CCDC148: variants seen among roughly 807,000 people sequenced by gnomAD.
The protein encoded by CCDC148 is coiled-coil domain-containing protein 148.
CCDC148 carries 89 observed loss-of-function variants against 85.7 expected under a neutral mutation model. The ratio of observed to expected loss-of-function variants is 1.04; its 90% CI spans 0.87 to 1.24. The LOEUF is 1.24. Among genes scored for constraint, CCDC148 ranks in the 50% most tolerant of loss-of-function variants. CCDC148 has a pLI of 0.00. For missense variants in CCDC148, 692 were observed against 671.7 expected, an observed-to-expected ratio of 1.03 and a Z score of -0.33; for synonymous variants, 230 against 213.9, an observed-to-expected ratio of 1.08 and a Z score of -0.66.
At chr2:158,403,710 AC>A (rs201468655) in intron 1 of CCDC148, among the ~76,000 whole-genome samples, 7,151 of 152,052 alleles carry the variant, frequency 0.047, 239 homozygotes, top group Non-Finnish European at 0.062. Context: ...ACACACACAA[AC>A]ACATGCAAAC....
chr2:158,311,792 A>G (rs1480166304), intron 8 of CCDC148, among the ~76,000 whole-genome samples: 1 of 152,200 alleles, frequency 6.6e-6, no homozygotes, highest in African/African-American at 2.4e-5. Context: ...AACTTAAAGT[A>G]ATAATAACAA....
chr2:158,402,533 G>T (rs1272510719), intron 1 of CCDC148, among the ~76,000 whole-genome samples: 1 of 151,952 alleles, frequency 6.6e-6, no homozygotes, highest in East Asian at 1.9e-4. Context: ...CCCAGCTACA[G>T]ATCAGAGTAA....
rs1419575729 is a variant in CCDC148 at position 158,360,874 on chromosome 2, C to A, written c.26-2304G>T. ...TTCAGAAGGTGGGTAATAACAAACT[C>A]CCCCAAGCTAAAGGAGCATTTCTAA... On this transcript the variant is annotated intron_variant, in intron 1 of 13. Coordinates refer to ENST00000283233, the MANE Select transcript of CCDC148 (RefSeq NM_138803.4). 1.3e-5 allele frequency among the ~76,000 whole-genome samples: 2 copies of A among 151,644 alleles called. 1 individual carries two copies. The highest frequency in any genetic ancestry group is 3.9e-4 in the East Asian group (2 of 5,108).
At chr2:158,355,459 T>C (rs1683578843) in intron 2 of CCDC148, among the ~76,000 whole-genome samples, 1 of 152,000 alleles carries the variant, frequency 6.6e-6, no homozygotes, top group African/African-American at 2.4e-5. Context: ...AGCCAAATCA[T>C]GAGTGAACTC....
intron 1 of CCDC148, chr2:158,380,739 A>C (rs1158255348): frequency 6.6e-6 from 1 of 152,188 alleles, no homozygotes; most frequent in Non-Finnish European, 1.5e-5. Context: ...AGTTCTAATA[A>C]TCAAGACTGT....
chr2:158,241,469 G>C (rs568661560), intron 10 of CCDC148, among the ~76,000 whole-genome samples: 1 of 152,088 alleles, frequency 6.6e-6, no homozygotes, highest in African/African-American at 2.4e-5. Flanking sequence ...TTTAAACAGA[G>C]ATGAGAAAGG....
At chr2:158,225,718 T>C (rs1328070660) in intron 10 of CCDC148, among the ~76,000 whole-genome samples, 1 of 152,062 alleles carries the variant, frequency 6.6e-6, no homozygotes, top group Admixed American at 6.5e-5. Flanking sequence ...GGGTACATAA[T>C]GAAATGAAGG....
intron 7 of CCDC148, among the ~76,000 whole-genome samples, chr2:158,321,304 A>G (rs1371280036): frequency 1.3e-5 from 2 of 152,168 alleles, no homozygotes; most frequent in Non-Finnish European, 2.9e-5. Context: ...TATAAACCCC[A>G]ACATCAAGTT....
At chr2:158,387,668 A>G (rs1164936214) in intron 1 of CCDC148, among the ~76,000 whole-genome samples, 2 of 151,752 alleles carry the variant, frequency 1.3e-5, no homozygotes, top group Admixed American at 1.3e-4. Flanking sequence ...CCATTGCGTG[A>G]GCCTGCTTTC....
intron 1 of CCDC148, among the ~76,000 whole-genome samples, chr2:158,453,229 C>G (rs1460498218): frequency 1.3e-5 from 2 of 152,198 alleles, no homozygotes; most frequent in Non-Finnish European, 2.9e-5. Flanking sequence ...AATAACCACA[C>G]CATTTGATAT....
At chr2:158,428,183 A>C (rs1687164786) in intron 1 of CCDC148, among the ~76,000 whole-genome samples, 1 of 152,318 alleles carries the variant, frequency 6.6e-6, no homozygotes, top group East Asian at 1.9e-4. Context: ...AGACTGTTAC[A>C]GTAGATCAGA....
chr2:158,247,990 T>C (rs1295795665), intron 10 of CCDC148, among the ~76,000 whole-genome samples: 2 of 152,098 alleles, frequency 1.3e-5, no homozygotes, highest in Non-Finnish European at 2.9e-5. Flanking sequence ...CCATGGTGGT[T>C]TGCTGCACCC....
At chr2:158,363,210 T>G (rs1017861640) in intron 1 of CCDC148, among the ~76,000 whole-genome samples, 2 of 152,190 alleles carry the variant, frequency 1.3e-5, no homozygotes, top group Non-Finnish European at 2.9e-5. Context: ...ACCAGATGGC[T>G]TCACGGCTGA....
chr2:158,197,881 T>C (rs1222270419), intron 11 of CCDC148, among the ~76,000 whole-genome samples: 1 of 152,122 alleles, frequency 6.6e-6, no homozygotes, highest in Admixed American at 6.6e-5. Flanking sequence ...ATTCATTAAC[T>C]GGTTAATGCA....
intron 1 of CCDC148, among the ~76,000 whole-genome samples, chr2:158,414,521 C>T (rs79048288): frequency 0.018 from 2,677 of 151,956 alleles, 48 homozygotes; most frequent in East Asian, 0.078. Flanking sequence ...CCATGGCACA[C>T]GTATACATAT....
At chr2:158,379,741 A>AT (rs1684794764) in intron 1 of CCDC148, among the ~76,000 whole-genome samples, 1 of 152,140 alleles carries the variant, frequency 6.6e-6, no homozygotes, top group South Asian at 2.1e-4. Flanking sequence ...GAGCATTGGC[A>AT]TTTTTTAGCA....
At chr2:158,437,734 G>A (rs1473045847) in intron 1 of CCDC148, among the ~76,000 whole-genome samples, 4 of 152,124 alleles carry the variant, frequency 2.6e-5, no homozygotes, top group Non-Finnish European at 5.9e-5. Context: ...AAACCCCATC[G>A]TCTCAGCCCA....
intron 10 of CCDC148, among the ~76,000 whole-genome samples, chr2:158,224,346 AC>A (rs1425775061): frequency 1.3e-5 from 2 of 152,246 alleles, no homozygotes; most frequent in African/African-American, 2.4e-5. Context: ...TGATTGGTGT[AC>A]CTGAAAGTGA....
intron 7 of CCDC148, among the ~76,000 whole-genome samples, chr2:158,315,961 A>G (rs1198714804): frequency 6.6e-6 from 1 of 152,136 alleles, no homozygotes; most frequent in Non-Finnish European, 1.5e-5. Context: ...TCTTGCTTAC[A>G]CATTTCCCTT....
Sources: gnomAD v4.1 joint callset for allele counts (sites outside exome capture counted in the v4.1 genomes callset) on GRCh38, gnomAD v4.1.1 for gene constraint, MANE v1.5 for transcripts, NCBI Gene and HGNC (gene_info 2026-07-23, HGNC 2026-07-21) for gene names.